The following ATP5F1A variants were observed in gnomAD, a reference collection of about 807,000 sequenced individuals.
ATP5F1A encodes the protein ATP synthase F(1) complex subunit alpha, mitochondrial.
A neutral mutation model predicts 57.4 loss-of-function variants in ATP5F1A; 24 were observed. The observed-to-expected ratio is 0.42, with a 90% confidence interval of 0.30 to 0.59. The LOEUF is 0.59. Ranked by LOEUF, ATP5F1A falls within the 20% of genes least tolerant of loss-of-function variation. ATP5F1A has a pLI of 0.19. For missense variants in ATP5F1A, 494 were observed against 707.9 expected, an observed-to-expected ratio of 0.70 and a Z score of 3.43; for synonymous variants, 251 against 255.5, an observed-to-expected ratio of 0.98 and a Z score of 0.17.
Position 46,087,509 on chromosome 18 carries a change from T to C in ATP5F1A, c.800-17A>G. On this transcript the variant is annotated splice_polypyrimidine_tract_variant and intron_variant, in intron 6 of 11. Transcript: ENST00000398752. ...TCATGGCATCTGAGAAAATATATTT[T>C]ACAATTTTATCAATATTGTGGTTTT... is the stretch of plus-strand genomic sequence containing the variant. 2 of 1,607,828 alleles carry C rather than the reference T, an allele frequency of 1.2e-6. No individual in the cohort carries two copies. The highest frequency in any genetic ancestry group is 1.7e-5 in the Admixed American group (1 of 57,658).
At chr18:46,091,523 T>G (rs1910548151) in intron 3 of ATP5F1A, among the ~76,000 whole-genome samples, 159 bp downstream of exon 3, 1 of 152,170 alleles carries the variant, frequency 6.6e-6, no homozygotes, top group African/African-American at 2.4e-5. Flanking sequence ...TTCAAACCCT[T>G]AAGTTTATTC....
chr18:46,087,663 T>C (rs372433331), intron 6 of ATP5F1A, 171 bp from the exon 7 acceptor site: 1 of 710,022 alleles, frequency 1.4e-6, no homozygotes, highest in African/African-American at 1.8e-5. Context: ...GGTGATCACC[T>C]GAGGTCAGGA....
chr18:46,101,854 T>C (rs147219830), upstream of ATP5F1A, among the ~76,000 whole-genome samples: 476 of 137,850 alleles, frequency 3.5e-3, 3 homozygotes, highest in African/African-American at 0.013. Flanking sequence ...CACTCCAGCT[T>C]GGGCAACACA....
upstream of ATP5F1A, among the ~76,000 whole-genome samples, chr18:46,100,907 T>C (rs1441741244): frequency 1.3e-5 from 2 of 151,984 alleles, no homozygotes; most frequent in African/African-American, 4.8e-5. Flanking sequence ...ACCCCGTCTC[T>C]GCTAAAAATA....
rs749907725 is a variant in ATP5F1A at position 46,086,515 on chromosome 18, C to T, written c.1177-21G>A. ...AAGATCTATAATGTAAGGAAATACGCACGCTAGCAAGCTTAAAGTAAGAAA... is the reference window on the plus strand; with the variant it reads ...AAGATCTATAATGTAAGGAAATACGTACGCTAGCAAGCTTAAAGTAAGAAA... On this transcript the variant is annotated intron_variant, in intron 8 of 11. Transcript: ENST00000398752. 30 of 1,598,006 alleles carry T rather than the reference C, an allele frequency of 1.9e-5. No homozygotes were observed. In the South Asian group the frequency reaches 3.1e-4, roughly 17 times the overall value.
rs144458373 is a variant in ATP5F1A at position 46,083,573 on chromosome 18, C to G, written c.*709G>C. 123 of 152,326 alleles carry G rather than the reference C, an allele frequency of 8.1e-4. No individual in the cohort carries two copies. Among genetic ancestry groups the G allele is most frequent in the African/African-American group, 2.7e-3 (113 of 41,572 alleles). The allele number at this position is 152,326 out of a possible 1,614,324, so 9.4% of individuals were successfully genotyped here. On this transcript the variant is annotated 3_prime_UTR_variant, in exon 12 of 12. Transcript: ENST00000398752. Reference sequence around the variant, plus strand: ...TATTATTTTCCTGCCTACAGTACCTCTTTATGCAGGTACATCCTCTGGGCA... The same window carrying G: ...TATTATTTTCCTGCCTACAGTACCTGTTTATGCAGGTACATCCTCTGGGCA...
chr18:46,091,996 A>AC, intron 2 of ATP5F1A, 145 bp from the exon 3 acceptor site: 1 of 593,652 alleles, frequency 1.7e-6, no homozygotes. Flanking sequence ...AACATGGAGA[A>AC]CCCTGTCTCT....
chr18:46,103,569 C>T (rs35122885), intron 1 of ATP5F1A, among the ~76,000 whole-genome samples: 22,392 of 130,684 alleles, frequency 0.17, 2,708 homozygotes, highest in East Asian at 0.39. Flanking sequence ...GAGCCGAGAT[C>T]GTGCCACTGC....
intron 6 of ATP5F1A, chr18:46,087,893 AAG>A: frequency 1.8e-6 from 1 of 554,658 alleles, no homozygotes; most frequent in Non-Finnish European, 3.1e-6. Context: ...ACAACAAAAA[AAG>A]AGTTAATCAG....
intron 3 of ATP5F1A, 123 bp downstream of exon 3, chr18:46,091,556 CAAG>C: frequency 9.4e-7 from 1 of 1,060,372 alleles, no homozygotes. Context: ...ATGATAATAA[CAAG>C]AAAAAAATCT....
intron 1 of ATP5F1A, 99 bp from the exon 2 acceptor site, chr18:46,095,230 T>A: frequency 9.1e-7 from 1 of 1,096,158 alleles, no homozygotes; most frequent in Non-Finnish European, 1.3e-6. Flanking sequence ...AAAGTACTGG[T>A]GAAAATGCTA....
At chr18:46,101,440 C>G (rs1029659902), upstream of ATP5F1A, among the ~76,000 whole-genome samples, 2 of 152,076 alleles carry the variant, frequency 1.3e-5, no homozygotes, top group African/African-American at 4.8e-5. Context: ...TGGTGCACAC[C>G]TGTAACCCCA....
At chr18:46,091,600 T>A in intron 3 of ATP5F1A, 82 bp downstream of exon 3, 1 of 1,391,364 alleles carries the variant, frequency 7.2e-7, no homozygotes, top group Non-Finnish European at 9.6e-7. Flanking sequence ...TTTTTAAAAA[T>A]CTGATACAAT....
Position 46,098,179 on chromosome 18 carries a change from G to A in ATP5F1A, c.53C>T (p.Ala18Val). ...CCGGCCTTCGGTGCTCACCAGTCCGGCCCGCCGAGGAAGGGCGCGGACCAC... is the reference window on the plus strand; with the variant it reads ...CCGGCCTTCGGTGCTCACCAGTCCGACCCGCCGAGGAAGGGCGCGGACCAC... ...AAVVRALPRR[A>V]GLVSRNALGS... is the part of the protein sequence containing the mutation. The change falls in exon 1 of 12, where the codon GCC (alanine) becomes GTC (valine). Residue 18 changes from alanine to valine, a missense_variant. By Grantham distance (64) the Ala-to-Val change is moderately conservative. This residue lies in a region of ATP5F1A where 142 missense variants were observed against 137.5 expected (regional missense o/e 1.03). Transcript: ENST00000398752. 2 of 1,604,102 alleles carry A rather than the reference G, an allele frequency of 1.2e-6. No individual in the cohort carries two copies. The highest frequency in any genetic ancestry group is 1.7e-6 in the Non-Finnish European group (2 of 1,178,314).
In ATP5F1A at chr18:46,095,055, G is replaced by A; in HGVS notation, c.137C>T (p.Thr46Ile). Residue 46 changes from threonine to isoleucine, a missense_variant and splice_region_variant, in exon 2 of 12, where the codon ACT (threonine) becomes ATT (isoleucine). This residue lies in a region of ATP5F1A where 142 missense variants were observed against 137.5 expected (regional missense o/e 1.03). Transcript: ENST00000398752. ...TAGACTGAGAAATAATAACTTACCA[G>A]TCTTTTGAAGATGAGTGTTAGAGGC... Reference protein sequence around the residue: ...FHASNTHLQKTGTAEMSSILE... With the variant: ...FHASNTHLQKIGTAEMSSILE... The A allele has an allele frequency of 6.2e-7, 1 of 1,610,594 alleles. No individual in the cohort carries two copies. Among genetic ancestry groups the A allele is most frequent in the South Asian group, 1.1e-5 (1 of 90,556 alleles).
At chr18:46,101,971 G>A (rs1283582453), upstream of ATP5F1A, among the ~76,000 whole-genome samples, 1 of 151,812 alleles carries the variant, frequency 6.6e-6, no homozygotes. Context: ...TCAGGAGATC[G>A]AGACCATCCT....
At chr18:46,091,046 C>A (rs2144195275) in intron 3 of ATP5F1A, among the ~76,000 whole-genome samples, 1 of 152,312 alleles carries the variant, frequency 6.6e-6, no homozygotes, top group South Asian at 2.1e-4. Context: ...ATTATTCTTC[C>A]ACATCAAGTG....
chr18:46,100,621 C>T (rs1298343765), upstream of ATP5F1A, among the ~76,000 whole-genome samples: 1 of 151,804 alleles, frequency 6.6e-6, no homozygotes, highest in Non-Finnish European at 1.5e-5. Flanking sequence ...AAACAAACAA[C>T]AAAAAAAGAG....
intron 10 of ATP5F1A, chr18:46,084,869 A>G: frequency 2.1e-6 from 1 of 475,508 alleles, no homozygotes; most frequent in African/African-American, 2.0e-5. Context: ...GGCTTGAGGC[A>G]TAATCTTTCA....
Sources: allele counts gnomAD v4.1 joint callset (sites outside exome capture counted in the v4.1 genomes callset), GRCh38; gene constraint gnomAD v4.1.1; regional missense constraint gnomAD v4.1.1; transcripts MANE v1.5; gene names NCBI Gene and HGNC (gene_info 2026-07-23, HGNC 2026-07-21).